The following PAPSS1 variants were observed in gnomAD, a reference collection of about 807,000 sequenced individuals.
PAPSS1 encodes the protein bifunctional 3'-phosphoadenosine 5'-phosphosulfate synthase 1.
PAPSS1 carries 50 observed loss-of-function variants against 72.0 expected under a neutral mutation model. The ratio of observed to expected loss-of-function variants is 0.69; its 90% confidence interval spans 0.55 to 0.88. PAPSS1 has a LOEUF of 0.88. Ranked by LOEUF, PAPSS1 falls within the 40% of genes least tolerant of loss-of-function variation. PAPSS1 has a pLI of 0.00. For missense variants in PAPSS1, 657 were observed against 782.2 expected (o/e 0.84, Z 1.91); for synonymous variants, 261 against 263.6 (o/e 0.99, Z 0.09).
chr4:107,621,898 G>A (rs1725972738), intron 11 of PAPSS1, among the ~76,000 whole-genome samples: 1 of 151,910 alleles, frequency 6.6e-6, no homozygotes, highest in South Asian at 2.1e-4. Context: ...AAAGTGCTGG[G>A]ATTATAGGCG....
Position 107,659,969 on chromosome 4 carries a change from T to G in PAPSS1, c.773A>C (p.Lys258Thr), listed in dbSNP as rs1477291049. ...KTDAETLPAL[K>T]INKVDMQWVQ... The stretch of plus-strand genomic sequence containing the variant: ...CAACGAAGAACTTACTTTATTAATT[T>G]TCAGTGCTGGTAATGTTTCCGCATC... The change falls in exon 6 of 12, where the codon AAA becomes ACA. Residue 258 changes from lysine (K) to threonine (T), a missense_variant. Physicochemically the swap from Lys to Thr is moderately conservative, Grantham distance 78 (BLOSUM62 -1). Around this residue, in one of 7 missense-constraint regions of PAPSS1, gnomAD observed 190 missense variants for 176.7 expected, o/e 1.07. Coordinates refer to ENST00000265174, the MANE Select transcript of PAPSS1 (RefSeq NM_005443.5). 3.2e-6 allele frequency: 5 copies of G among 1,576,562 alleles called. No homozygotes were observed. The highest frequency in any genetic ancestry group is 1.7e-5 in the Admixed American group (1 of 59,248).
At chr4:107,716,768 A>G (rs1034034506) in intron 1 of PAPSS1, among the ~76,000 whole-genome samples, 1 of 152,216 alleles carries the variant, frequency 6.6e-6, no homozygotes, top group Non-Finnish European at 1.5e-5. Context: ...TTTCTTTACT[A>G]TTCCCACAGG....
At chr4:107,674,589 CT>C (rs1176221818) in intron 5 of PAPSS1, among the ~76,000 whole-genome samples, 1 of 152,140 alleles carries the variant, frequency 6.6e-6, no homozygotes, top group African/African-American at 2.4e-5. Context: ...TAATGGGAGA[CT>C]TTAACACCTC....
chr4:107,622,357 G>C (rs1038201459), intron 11 of PAPSS1, among the ~76,000 whole-genome samples: 2 of 152,118 alleles, frequency 1.3e-5, no homozygotes, highest in Non-Finnish European at 2.9e-5. Context: ...AGTTGACTAA[G>C]AGCAGCATAT....
At chr4:107,626,742 C>T (rs938983722) in intron 11 of PAPSS1, among the ~76,000 whole-genome samples, 5 of 152,164 alleles carry the variant, frequency 3.3e-5, no homozygotes, top group Non-Finnish European at 5.9e-5. Context: ...AAAAGACAAC[C>T]TCATCTGTGC....
chr4:107,694,951 TA>T (rs34374895), intron 2 of PAPSS1, among the ~76,000 whole-genome samples: 122,784 of 150,308 alleles, frequency 0.82, 51,763 homozygotes, highest in South Asian at 0.94. Flanking sequence ...CTAACTGGAA[TA>T]AAAAAAAAAA....
chr4:107,619,672 T>C (rs1040624053), intron 11 of PAPSS1, among the ~76,000 whole-genome samples: 2 of 152,208 alleles, frequency 1.3e-5, no homozygotes, highest in Admixed American at 1.3e-4. Flanking sequence ...GGCTAATAAA[T>C]AAGGGACCTT....
At chr4:107,662,972 G>A (rs1003382242) in intron 5 of PAPSS1, among the ~76,000 whole-genome samples, 2 of 152,038 alleles carry the variant, frequency 1.3e-5, no homozygotes, top group Admixed American at 6.6e-5. Flanking sequence ...TAGCTTCTTC[G>A]ATATGTAAAG....
intron 8 of PAPSS1, among the ~76,000 whole-genome samples, chr4:107,654,489 A>G (rs1251177347): frequency 6.6e-6 from 1 of 152,188 alleles, no homozygotes; most frequent in Non-Finnish European, 1.5e-5. Context: ...TATACAATAG[A>G]GATTTAAAAT....
intron 2 of PAPSS1, 106 bp from the exon 3 acceptor site, chr4:107,694,112 G>T: frequency 1.3e-6 from 1 of 778,044 alleles, no homozygotes; most frequent in Non-Finnish European, 2.1e-6. Context: ...TGCCACCCAG[G>T]CTGGAGTGCA....
At chr4:107,690,714 T>A (rs1722892821) in intron 3 of PAPSS1, among the ~76,000 whole-genome samples, 1 of 152,152 alleles carries the variant, frequency 6.6e-6, no homozygotes, top group Non-Finnish European at 1.5e-5. Context: ...ATCCAAATAT[T>A]TTCATGGATT....
intron 2 of PAPSS1, among the ~76,000 whole-genome samples, chr4:107,694,784 A>G (rs924220836): frequency 1.4e-4 from 22 of 152,200 alleles, no homozygotes; most frequent in Non-Finnish European, 3.2e-4. Context: ...TACCAACAGT[A>G]TTTACTCAGT....
chr4:107,623,530 T>C (rs1016316285), intron 11 of PAPSS1, among the ~76,000 whole-genome samples: 5 of 152,206 alleles, frequency 3.3e-5, no homozygotes, highest in Non-Finnish European at 7.3e-5. Flanking sequence ...ACCCAGGTAA[T>C]GTAAGTCTGG....
chr4:107,653,491 C>G lies in PAPSS1; in HGVS notation c.1237G>C (p.Asp413His), dbSNP rs1232130989. 21 of 1,608,984 alleles carry G rather than the reference C, an allele frequency of 1.3e-5. No homozygotes were observed. Among genetic ancestry groups the G allele is most frequent in the Non-Finnish European group, 1.8e-5 (21 of 1,177,950 alleles). The change falls in exon 9 of 12, where the codon GAT becomes CAT. Residue 413 changes from aspartate to histidine, a missense_variant and splice_region_variant. Physicochemically the swap from Asp to His is moderately conservative, Grantham distance 81. This residue lies in a region of PAPSS1 where 166 missense variants were observed against 228.3 expected (regional missense o/e 0.73). Coordinates refer to ENST00000265174, the MANE Select transcript of PAPSS1 (RefSeq NM_005443.5). Reference sequence around the variant, plus strand: ...TTAGGTAATTAAATCCATGTCTTACCAGCATTCATATCTTTAAATTTCTGC... The same window carrying G: ...TTAGGTAATTAAATCCATGTCTTACGAGCATTCATATCTTTAAATTTCTGC... ...LKQKFKDMNA[D>H]AVFAFQLRNP... is the part of the protein sequence containing the mutation.
At chr4:107,688,167 T>C (rs1722836048) in intron 3 of PAPSS1, among the ~76,000 whole-genome samples, 1 of 152,164 alleles carries the variant, frequency 6.6e-6, no homozygotes. Context: ...CCATTCTCTC[T>C]ACTCCACCTG....
intron 10 of PAPSS1, among the ~76,000 whole-genome samples, chr4:107,637,439 C>T (rs971530179): frequency 1.3e-5 from 2 of 152,120 alleles, no homozygotes; most frequent in African/African-American, 4.8e-5. Context: ...ATGGACTATA[C>T]TGCTTACATA....
chr4:107,710,390 T>C (rs1723459053), intron 1 of PAPSS1, among the ~76,000 whole-genome samples: 1 of 152,202 alleles, frequency 6.6e-6, no homozygotes, highest in Non-Finnish European at 1.5e-5. Flanking sequence ...ACTGCCCATA[T>C]CATTCTTTTG....
At chr4:107,674,243 T>C (rs527431756) in intron 5 of PAPSS1, among the ~76,000 whole-genome samples, 1 of 152,228 alleles carries the variant, frequency 6.6e-6, no homozygotes, top group Admixed American at 6.5e-5. Context: ...ACTGGCAAAT[T>C]GGATAAAGAG....
At chr4:107,687,680 C>A (rs11938435) in intron 3 of PAPSS1, among the ~76,000 whole-genome samples, 1 of 152,294 alleles carries the variant, frequency 6.6e-6, no homozygotes, top group African/African-American at 2.4e-5. Flanking sequence ...TCCCAACTCT[C>A]TAGTAACCAC....
Sources: allele counts gnomAD v4.1 joint callset (sites outside exome capture counted in the v4.1 genomes callset), GRCh38; gene constraint gnomAD v4.1.1; regional missense constraint gnomAD v4.1.1; transcripts MANE v1.5; gene names NCBI Gene and HGNC (gene_info 2026-07-23, HGNC 2026-07-21).